The following GRIN2A variants were observed in gnomAD, a reference collection of about 807,000 sequenced individuals.
GRIN2A encodes glutamate ionotropic receptor NMDA type subunit 2A, also known as glutamate receptor ionotropic, NMDA 2A.
GRIN2A carries 22 observed loss-of-function variants against 113.4 expected under a neutral mutation model. That is an observed-to-expected ratio of 0.19 (90% CI 0.14 to 0.28). The LOEUF (loss-of-function observed/expected upper bound fraction) is 0.28. GRIN2A is among the 10% of genes least tolerant of loss of function. The probability of loss-of-function intolerance (pLI) is 1.00; values close to 1 mark genes in which losing one functional copy is unlikely to be tolerated. For missense variants in GRIN2A, 1,502 were observed against 1,887.0 expected, an observed-to-expected ratio of 0.80 and a Z score of 3.78; for synonymous variants, 827 against 738.4, an observed-to-expected ratio of 1.12 and a Z score of -1.94.
intron 2 of GRIN2A, among the ~76,000 whole-genome samples, chr16:10,160,173 A>G (rs1452884585): frequency 6.6e-6 from 1 of 152,228 alleles, no homozygotes; most frequent in East Asian, 1.9e-4. Flanking sequence ...AACTAATACA[A>G]TCCTGGACCT....
intron 4 of GRIN2A, among the ~76,000 whole-genome samples, chr16:9,886,633 T>C (rs953624698): frequency 5.3e-5 from 8 of 152,184 alleles, no homozygotes; most frequent in African/African-American, 1.4e-4. Context: ...CTCTTGTTTA[T>C]GATGGACTCC....
intron 2 of GRIN2A, among the ~76,000 whole-genome samples, chr16:10,038,875 C>CA (rs968190508): frequency 1.9e-4 from 28 of 150,542 alleles, no homozygotes; most frequent in East Asian, 1.2e-3. Context: ...CAAAACAAAA[C>CA]AAAAAAAACA....
At position 9,799,483 on chromosome 16, in the gene GRIN2A, G is replaced by A. The variant is rs533888086; in HGVS notation, c.2169-1019C>T. On this transcript the variant is annotated intron_variant, in intron 10 of 12. Coordinates refer to ENST00000330684, the MANE Select transcript of GRIN2A (RefSeq NM_001134407.3). ...CCAGAGCTGCGAGACAGTCATTTCT[G>A]TTCTTTAAGCTGCTCAGGTTGCATT... Among the ~76,000 whole-genome samples the A allele has an allele frequency of 4.6e-5, 7 of 152,284 alleles. No individual in the cohort carries two copies. In the East Asian group the frequency reaches 1.2e-3, roughly 25 times the overall value.
In GRIN2A at chr16:9,835,404, A is replaced by G. The variant is rs987259401; in HGVS notation, c.1652-1174T>C. On this transcript the variant is annotated intron_variant, in intron 7 of 12. Transcript: ENST00000330684. ...GGCTCTAAGCCTTGTAACACTCTAGAAAGGTAAGAAATATTATGTAAAATA... is the reference window on the plus strand; with the variant it reads ...GGCTCTAAGCCTTGTAACACTCTAGGAAGGTAAGAAATATTATGTAAAATA... Among the ~76,000 whole-genome samples, 8 of 152,338 alleles carry G rather than the reference A, an allele frequency of 5.3e-5. No individual in the cohort carries two copies. In the East Asian group the frequency reaches 9.6e-4, roughly 18 times the overall value.
chr16:9,883,668 G>A (rs967312623), intron 4 of GRIN2A, among the ~76,000 whole-genome samples: 8 of 152,202 alleles, frequency 5.3e-5, no homozygotes, highest in African/African-American at 1.9e-4. Flanking sequence ...GTGGGAGGAA[G>A]ATGATGAGTT....
intron 2 of GRIN2A, among the ~76,000 whole-genome samples, chr16:10,002,049 C>G (rs1047123380): frequency 6.6e-5 from 10 of 152,124 alleles, no homozygotes; most frequent in African/African-American, 2.4e-4. Flanking sequence ...TTATCAGCAC[C>G]ATTACCACTA....
At chr16:10,009,177 C>T (rs1320219793) in intron 2 of GRIN2A, among the ~76,000 whole-genome samples, 1 of 152,116 alleles carries the variant, frequency 6.6e-6, no homozygotes, top group Non-Finnish European at 1.5e-5. Context: ...CATACTCAGA[C>T]AAAATGATGT....
intron 8 of GRIN2A, among the ~76,000 whole-genome samples, chr16:9,830,610 C>G (rs530373844): frequency 6.5e-4 from 99 of 151,990 alleles, no homozygotes; most frequent in Non-Finnish European, 1.0e-3. Context: ...CAGATGTCAC[C>G]TGCCAATATA....
intron 2 of GRIN2A, among the ~76,000 whole-genome samples, chr16:10,054,291 T>A (rs1377534595): frequency 6.6e-6 from 1 of 152,150 alleles, no homozygotes; most frequent in African/African-American, 2.4e-5. Flanking sequence ...GGCCAATAAA[T>A]GTGAAAATAT....
At chr16:9,856,233 A>G (rs2042964837) in intron 4 of GRIN2A, among the ~76,000 whole-genome samples, 1 of 152,136 alleles carries the variant, frequency 6.6e-6, no homozygotes. Context: ...AAGAATTTAA[A>G]CTTAGTCAGT....
chr16:10,023,351 G>A (rs2046760072), intron 2 of GRIN2A, among the ~76,000 whole-genome samples: 1 of 152,168 alleles, frequency 6.6e-6, no homozygotes, highest in Non-Finnish European at 1.5e-5. Flanking sequence ...TTCTTTAGTG[G>A]TTGTGTCTGT....
At chr16:9,974,435 T>C (rs1302345544) in intron 2 of GRIN2A, among the ~76,000 whole-genome samples, 2 of 152,174 alleles carry the variant, frequency 1.3e-5, no homozygotes, top group East Asian at 3.9e-4. Context: ...TACCGGTGCA[T>C]GCAGCCCCCA....
At chr16:9,979,785 C>CCATATATATATATATATATATA in intron 2 of GRIN2A, among the ~76,000 whole-genome samples, 1 of 122,344 alleles carries the variant, frequency 8.2e-6, no homozygotes, top group Non-Finnish European at 1.7e-5. Flanking sequence ...GACTATGGGA[C>CCATATATATATATATATATATA]TATATATATA....
At chr16:10,030,735 G>A (rs1328384893) in intron 2 of GRIN2A, among the ~76,000 whole-genome samples, 1 of 152,072 alleles carries the variant, frequency 6.6e-6, no homozygotes, top group Non-Finnish European at 1.5e-5. Flanking sequence ...CTCTGGCCAG[G>A]AGTCATTACA....
intron 11 of GRIN2A, among the ~76,000 whole-genome samples, chr16:9,787,234 G>GA (rs3831727): frequency 0.38 from 57,152 of 151,952 alleles, 11,661 homozygotes; most frequent in African/African-American, 0.55. Context: ...GGTCTGAATA[G>GA]AAACACTGAG....
intron 3 of GRIN2A, among the ~76,000 whole-genome samples, chr16:9,927,829 A>G (rs2141599608): frequency 6.6e-6 from 1 of 152,372 alleles, no homozygotes; most frequent in East Asian, 1.9e-4. Context: ...TCCTCTTATT[A>G]ATAGTGATGG....
chr16:10,020,715 T>C (rs1279355170), intron 2 of GRIN2A, among the ~76,000 whole-genome samples: 1 of 152,132 alleles, frequency 6.6e-6, no homozygotes, highest in African/African-American at 2.4e-5. Context: ...AAGGACAAGA[T>C]AAAAGTAAGT....
At chr16:10,163,322 C>T (rs1329827975) in intron 2 of GRIN2A, among the ~76,000 whole-genome samples, 1 of 152,180 alleles carries the variant, frequency 6.6e-6, no homozygotes, top group African/African-American at 2.4e-5. Context: ...GAAGGAAGCA[C>T]ATTTCTGTTT....
chr16:9,993,693 G>C (rs1485984829), intron 2 of GRIN2A, among the ~76,000 whole-genome samples: 1 of 152,194 alleles, frequency 6.6e-6, no homozygotes, highest in East Asian at 1.9e-4. Context: ...AAGACACAGA[G>C]GAAATGGGTG....
Sources: gnomAD v4.1 joint callset for allele counts (sites outside exome capture counted in the v4.1 genomes callset) on GRCh38, gnomAD v4.1.1 for gene constraint, MANE v1.5 for transcripts, NCBI Gene and HGNC (gene_info 2026-07-23, HGNC 2026-07-21) for gene names.